Variants in TYW1B observed in about 807,000 individuals in gnomAD.
TYW1B encodes tRNA-yW synthesizing protein 1 homolog B, also known as S-adenosyl-L-methionine-dependent tRNA 4-demethylwyosine synthase TYW1B.
Under a neutral mutation model 86.9 loss-of-function variants are expected in TYW1B, and 73 were observed. The ratio of observed to expected loss-of-function variants is 0.84; its 90% CI spans 0.70 to 1.02. The LOEUF (loss-of-function observed/expected upper bound fraction) is 1.02. TYW1B is among the 50% of genes least tolerant of loss of function. The probability of loss-of-function intolerance (pLI) is 0.00; values close to 1 mark genes in which losing one functional copy is unlikely to be tolerated. For synonymous variants in TYW1B, 248 were observed against 292.8 expected, an observed-to-expected ratio of 0.85 and a Z score of 1.56; for missense variants, 637 against 827.4, an observed-to-expected ratio of 0.77 and a Z score of 2.82.
At chr7:72,693,823 A>T (rs1554450888) in intron 11 of TYW1B, among the ~76,000 whole-genome samples, 1 of 152,216 alleles carries the variant, frequency 6.6e-6, no homozygotes, top group African/African-American at 2.4e-5. Flanking sequence ...AATCACACAA[A>T]TATTTAAAAT....
chr7:72,676,934 G>C (rs1175738454), intron 11 of TYW1B, among the ~76,000 whole-genome samples: 2 of 151,992 alleles, frequency 1.3e-5, no homozygotes, highest in Non-Finnish European at 2.9e-5. Context: ...CTCCAGCCTG[G>C]GTGACAGAGC....
chr7:72,717,358 C>T (rs1432425347), intron 9 of TYW1B, among the ~76,000 whole-genome samples: 1 of 151,938 alleles, frequency 6.6e-6, no homozygotes, highest in African/African-American at 2.4e-5. Context: ...GTACCTCCCC[C>T]ACCAGCAATC....
At chr7:72,818,992 A>G (rs1788778704) in intron 2 of TYW1B, among the ~76,000 whole-genome samples, 1 of 152,192 alleles carries the variant, frequency 6.6e-6, no homozygotes, top group South Asian at 2.1e-4. Context: ...AACCATATCA[A>G]TTACCCAGCT....
At chr7:72,644,821 C>G (rs1812885457) in intron 11 of TYW1B, among the ~76,000 whole-genome samples, 1 of 142,426 alleles carries the variant, frequency 7.0e-6, no homozygotes. Context: ...CTCTTCATGA[C>G]TTTCCTTTTT....
chr7:72,776,526 A>G (rs1226303363), intron 7 of TYW1B, among the ~76,000 whole-genome samples: 1 of 137,528 alleles, frequency 7.3e-6, no homozygotes, highest in Non-Finnish European at 1.5e-5. Flanking sequence ...ATGCCACCGC[A>G]CTCCAGACTG....
chr7:72,754,486 G>C lies in TYW1B; in HGVS notation c.965-9885C>G, dbSNP rs143032459. On this transcript the variant is annotated intron_variant, in intron 7 of 13. Coordinates refer to ENST00000620995, the MANE Select transcript of TYW1B (RefSeq NM_001145440.3). ...GAATCTTGCTCTGTCGCCCAGGCTG[G>C]AATGCAGTGATGCAATCTTAGCTCA... is the stretch of plus-strand genomic sequence containing the variant. Among the ~76,000 whole-genome samples, 315 of 151,998 alleles carry C rather than the reference G, an allele frequency of 2.1e-3. 2 individuals are homozygous for C. Among genetic ancestry groups the C allele is most frequent in the African/African-American group, 7.3e-3 (302 of 41,454 alleles).
intron 5 of TYW1B, among the ~76,000 whole-genome samples, chr7:72,804,504 G>A (rs1788460800): frequency 6.6e-6 from 1 of 151,952 alleles, no homozygotes; most frequent in South Asian, 2.1e-4. Flanking sequence ...ATACATAAAT[G>A]AATGAGCATG....
At chr7:72,820,621 G>A (rs1554480290) in intron 2 of TYW1B, among the ~76,000 whole-genome samples, 2 of 152,024 alleles carry the variant, frequency 1.3e-5, no homozygotes, top group Admixed American at 6.6e-5. Flanking sequence ...GGAAACAAGA[G>A]TGCAGGAGAG....
intron 13 of TYW1B, among the ~76,000 whole-genome samples, chr7:72,606,567 T>C (rs1451915809): frequency 6.6e-6 from 1 of 151,148 alleles, no homozygotes; most frequent in Non-Finnish European, 1.5e-5. Flanking sequence ...AGAAGCTTAG[T>C]GGAGAACCAG....
chr7:72,605,971 C>T (rs575936064), intron 13 of TYW1B, among the ~76,000 whole-genome samples: 26 of 152,230 alleles, frequency 1.7e-4, no homozygotes, highest in Middle Eastern at 3.4e-3. Context: ...ATGGAGTAGA[C>T]GTGCCTCTCC....
chr7:72,653,610 A>AAATAGTAAT (rs1554443170), intron 11 of TYW1B, among the ~76,000 whole-genome samples: 1 of 150,510 alleles, frequency 6.6e-6, no homozygotes, highest in Non-Finnish European at 1.5e-5. Context: ...CCGTCTCAAA[A>AAATAGTAAT]AATAATAATA....
chr7:72,773,045 G>A (rs1787894601), intron 7 of TYW1B, among the ~76,000 whole-genome samples: 1 of 152,128 alleles, frequency 6.6e-6, no homozygotes, highest in African/African-American at 2.4e-5. Context: ...AAGATCCCCA[G>A]AAGAAATTCT....
intron 11 of TYW1B, among the ~76,000 whole-genome samples, chr7:72,693,585 G>C (rs1167743028): frequency 4.6e-5 from 7 of 151,730 alleles, no homozygotes; most frequent in Non-Finnish European, 1.0e-4. Context: ...GGTAGAGACG[G>C]GGTTTTGCCA....
At chr7:72,780,240 C>T (rs186156872) in intron 6 of TYW1B, among the ~76,000 whole-genome samples, 1 of 152,154 alleles carries the variant, frequency 6.6e-6, no homozygotes, top group African/African-American at 2.4e-5. Flanking sequence ...AAGTAGTTTG[C>T]TTTGTTTTTT....
chr7:72,760,120 G>C (rs1206457218), intron 7 of TYW1B, among the ~76,000 whole-genome samples: 1 of 152,114 alleles, frequency 6.6e-6, no homozygotes, highest in Non-Finnish European at 1.5e-5. Context: ...AAGCAAACCA[G>C]ACAGGCAAAC....
At position 72,718,962 on chromosome 7, in the gene TYW1B, C is replaced by T. The variant is rs114083410; in HGVS notation, c.1193-5164G>A. ...TATATCCTTGGTCAAGCCTCTCCCA[C>T]CCTCTCCAAGCCCATTCCCTGATCT... On this transcript the variant is annotated intron_variant, in intron 9 of 13. Coordinates refer to ENST00000620995, the MANE Select transcript of TYW1B (RefSeq NM_001145440.3). Among the ~76,000 whole-genome samples the T allele has an allele frequency of 5.9e-3, 891 of 152,218 alleles. 12 individuals are homozygous for T. The highest frequency in any genetic ancestry group is 0.019 in the African/African-American group (794 of 41,536).
intron 11 of TYW1B, among the ~76,000 whole-genome samples, chr7:72,685,097 G>A (rs1398249373): frequency 1.3e-5 from 2 of 149,468 alleles, no homozygotes; most frequent in Non-Finnish European, 1.5e-5. Flanking sequence ...GGATGACAGA[G>A]TGAGACTCAA....
chr7:72,744,676 T>A, intron 7 of TYW1B, 75 bp from the exon 8 acceptor site: 2 of 1,461,028 alleles, frequency 1.4e-6, no homozygotes, highest in Non-Finnish European at 1.9e-6. Context: ...GCATCATTTT[T>A]AAGAGAAACC....
intron 7 of TYW1B, among the ~76,000 whole-genome samples, chr7:72,763,017 C>T (rs782144221): frequency 3.3e-5 from 5 of 151,904 alleles, no homozygotes; most frequent in East Asian, 1.9e-4. Context: ...TCATGACCCT[C>T]GATATACTCT....
Sources: allele counts gnomAD v4.1 joint callset (sites outside exome capture counted in the v4.1 genomes callset), GRCh38; gene constraint gnomAD v4.1.1; transcripts MANE v1.5; gene names NCBI Gene and HGNC (gene_info 2026-07-23, HGNC 2026-07-21).